Variants in RNF32 observed in about 807,000 individuals in gnomAD.
RNF32 encodes the protein ring finger protein 32.
Under a neutral mutation model 41.0 loss-of-function variants are expected in RNF32, and 36 were observed. The ratio of observed to expected loss-of-function variants is 0.88; its 90% CI spans 0.67 to 1.16. The LOEUF (loss-of-function observed/expected upper bound fraction) is 1.16, where lower values mean the gene tolerates loss of function less well. RNF32 is among the 50% of genes most tolerant of loss of function. The pLI, the probability that RNF32 is intolerant of heterozygous loss-of-function variation, is 0.00. For synonymous variants in RNF32, 154 were observed against 160.9 expected (o/e 0.96, Z 0.32); for missense variants, 413 against 436.7 (o/e 0.95, Z 0.48).
chr7:156,651,221 T>C (rs2096300844), intron 3 of RNF32, among the ~76,000 whole-genome samples: 1 of 151,328 alleles, frequency 6.6e-6, no homozygotes, highest in Non-Finnish European at 1.5e-5. Flanking sequence ...ATTTCTTTTT[T>C]TTTTTTTTTT....
rs908687997 is a variant in RNF32 at position 156,654,576 on chromosome 7, C to T, written c.275C>T (p.Ala92Val). 12 of 1,613,428 alleles carry T rather than the reference C, an allele frequency of 7.4e-6. No homozygotes were observed. Among genetic ancestry groups the T allele is most frequent in the African/African-American group, 1.3e-5 (1 of 74,926 alleles). Reference sequence around the variant, plus strand: ...CCTGTCCTGTGCTGTCTTACTTTAGCACAGAAGTTGGGCCTCATTGGGCCT... The same window carrying T: ...CCTGTCCTGTGCTGTCTTACTTTAGTACAGAAGTTGGGCCTCATTGGGCCT... ...LDPKPPPLTLAQKLGLIGPPP... is the reference protein window; with the variant it reads ...LDPKPPPLTLVQKLGLIGPPP... Residue 92 changes from alanine to valine, a missense_variant and splice_region_variant, in exon 4 of 9, where the codon GCA becomes GTA. Transcript: ENST00000317955.
intron 4 of RNF32, among the ~76,000 whole-genome samples, chr7:156,656,708 A>C (rs536789783): frequency 6.6e-6 from 1 of 152,242 alleles, no homozygotes; most frequent in African/African-American, 2.4e-5. Flanking sequence ...GGAGTGCCCC[A>C]GACTGTGGTC....
chr7:156,640,744 G>A, upstream of RNF32: 1 of 275,232 alleles, frequency 3.6e-6, no homozygotes, highest in Non-Finnish European at 7.1e-6. Flanking sequence ...AACGGTGGGC[G>A]GCCAGGGAGT....
At position 156,676,458 on chromosome 7, in the gene RNF32, G is replaced by A. The variant is rs770224272; in HGVS notation, c.892G>A (p.Ala298Thr). ...GACCCACGAGTGCTCCATCTGCCTGGCCCCTCTCTCCGCTGCTGGCGGTCA... is the reference window on the plus strand; with the variant it reads ...GACCCACGAGTGCTCCATCTGCCTGACCCCTCTCTCCGCTGCTGGCGGTCA... The part of the protein sequence containing the change: ...RETHECSICL[A>T]PLSAAGGQRV... Residue 298 changes from alanine to threonine, a missense_variant, in exon 9 of 9, where the codon GCC (alanine) becomes ACC (threonine). Ala to Thr is a moderately conservative substitution (Grantham distance 58, BLOSUM62 0). Transcript: ENST00000317955. The A allele has an allele frequency of 6.2e-7, 1 of 1,614,058 alleles. No individual in the cohort carries two copies. Among genetic ancestry groups the A allele is most frequent in the Non-Finnish European group, 8.5e-7 (1 of 1,179,974 alleles).
At chr7:156,663,248 TAAAGA>T (rs1563087929) in intron 7 of RNF32, among the ~76,000 whole-genome samples, 1 of 152,174 alleles carries the variant, frequency 6.6e-6, no homozygotes, top group Non-Finnish European at 1.5e-5. Flanking sequence ...TAAAAAACCA[TAAAGA>T]AAACTAGGTT....
At chr7:156,656,229 G>A (rs186334767) in intron 4 of RNF32, among the ~76,000 whole-genome samples, 6 of 152,340 alleles carry the variant, frequency 3.9e-5, no homozygotes, top group African/African-American at 1.4e-4. Flanking sequence ...TCAGAGTCCT[G>A]CTGGAATCCA....
intron 3 of RNF32, among the ~76,000 whole-genome samples, chr7:156,652,917 T>C (rs746419366): frequency 8.9e-5 from 12 of 135,196 alleles, no homozygotes; most frequent in Non-Finnish European, 1.9e-4. Context: ...TGTTTTAAGC[T>C]AAATGTTATT....
At chr7:156,644,824 A>C in intron 3 of RNF32, 67 bp downstream of exon 3, 1 of 1,440,470 alleles carries the variant, frequency 6.9e-7, no homozygotes, top group Non-Finnish European at 9.5e-7. Flanking sequence ...GATTAATAGT[A>C]TAATTTTTTA....
In RNF32 at chr7:156,654,561, G is replaced by A; in HGVS notation, c.275-15G>A. On this transcript the variant is annotated splice_polypyrimidine_tract_variant and intron_variant, in intron 3 of 8. Transcript: ENST00000317955. ...AAAGACACTCTAACTCCTGTCCTGTGCTGTCTTACTTTAGCACAGAAGTTG... is the reference window on the plus strand; with the variant it reads ...AAAGACACTCTAACTCCTGTCCTGTACTGTCTTACTTTAGCACAGAAGTTG... 1 of 1,612,266 alleles carries A rather than the reference G, an allele frequency of 6.2e-7. No individual in the cohort carries two copies. The highest frequency in any genetic ancestry group is 1.3e-5 in the African/African-American group (1 of 75,012).
At chr7:156,675,056 G>T (rs983741825) in intron 7 of RNF32, among the ~76,000 whole-genome samples, 1 of 152,216 alleles carries the variant, frequency 6.6e-6, no homozygotes, top group Admixed American at 6.5e-5. Flanking sequence ...GATTTACTTA[G>T]TAAGTCCCAT....
chr7:156,659,666 C>G (rs1486197669), intron 7 of RNF32: 3 of 923,126 alleles, frequency 3.2e-6, no homozygotes, highest in Non-Finnish European at 2.6e-6. Context: ...TATAAGAACT[C>G]TTGAAGATAA....
chr7:156,674,739 A>G (rs1803416476), intron 7 of RNF32, among the ~76,000 whole-genome samples: 1 of 152,242 alleles, frequency 6.6e-6, no homozygotes, highest in African/African-American at 2.4e-5. Flanking sequence ...CGTTGAAGTG[A>G]TAATATTTTG....
chr7:156,649,110 G>C (rs903930755), intron 3 of RNF32, among the ~76,000 whole-genome samples: 1 of 151,770 alleles, frequency 6.6e-6, no homozygotes, highest in African/African-American at 2.4e-5. Context: ...TTGATTAATA[G>C]AGTCTTGCAA....
chr7:156,643,897 G>A lies in RNF32; in HGVS notation c.15+5G>A, dbSNP rs1338723403. The A allele has an allele frequency of 4.4e-6, 7 of 1,608,852 alleles. No individual in the cohort carries two copies. The African/African-American group carries it at 5.3e-5, about 12-fold the overall frequency. ...TTCGGCATGTTAAAAAATAAGGTACGCTATTCTTTTCTTAAACATACACGT... is the reference window on the plus strand; with the variant it reads ...TTCGGCATGTTAAAAAATAAGGTACACTATTCTTTTCTTAAACATACACGT... On this transcript the variant is annotated splice_donor_5th_base_variant and intron_variant, in intron 2 of 8. Coordinates refer to ENST00000317955, the MANE Select transcript of RNF32 (RefSeq NM_030936.4).
rs75126530 is a variant in RNF32 at position 156,661,786 on chromosome 7, G to T, written c.684+3216G>T. 3.4e-3 allele frequency among the ~76,000 whole-genome samples: 525 copies of T among 152,264 alleles called. 2 individuals are homozygous for T. The highest frequency in any genetic ancestry group is 0.017 in the Middle Eastern group (5 of 294). On this transcript the variant is annotated intron_variant, in intron 7 of 8. Transcript: ENST00000317955. ...TGGGCCTACTACATTAATGTTATGG[G>T]TCACTGATGGGTTGTAGATATCAGC...
chr7:156,673,548 C>A (rs547711882), intron 7 of RNF32, among the ~76,000 whole-genome samples: 5 of 152,274 alleles, frequency 3.3e-5, no homozygotes, highest in Non-Finnish European at 7.4e-5. Flanking sequence ...GAATTTGACT[C>A]ATAAATAGAA....
intron 4 of RNF32, among the ~76,000 whole-genome samples, chr7:156,655,274 G>A (rs1206540654): frequency 1.3e-5 from 2 of 151,640 alleles, no homozygotes; most frequent in Non-Finnish European, 2.9e-5. Context: ...GAGAGAGAGA[G>A]AGAATGCATA....
At position 156,676,798 on chromosome 7, in the gene RNF32, G is replaced by C. The variant is rs188025853; in HGVS notation, c.*143G>C. 1.6e-5 allele frequency: 10 copies of C among 644,412 alleles called. No homozygotes were observed. The highest frequency in any genetic ancestry group is 2.1e-5 in the Non-Finnish European group (8 of 376,786). The allele number at this position is 644,412 out of a possible 1,614,324, so 39.9% of individuals were successfully genotyped here. ...CTATTGGTAGTTGTAGGAAATCTTA[G>C]TATATTTTAAAAGCTGACATCCCAC... On this transcript the variant is annotated 3_prime_UTR_variant, in exon 9 of 9. Transcript: ENST00000317955.
At chr7:156,650,590 T>TCAA (rs1798586434) in intron 3 of RNF32, among the ~76,000 whole-genome samples, 1 of 152,216 alleles carries the variant, frequency 6.6e-6, no homozygotes, top group Non-Finnish European at 1.5e-5. Flanking sequence ...AGGTCTTGAT[T>TCAA]AGTTTATAAA....
Sources: allele counts gnomAD v4.1 joint callset (sites outside exome capture counted in the v4.1 genomes callset), GRCh38; gene constraint gnomAD v4.1.1; transcripts MANE v1.5; gene names NCBI Gene and HGNC (gene_info 2026-07-23, HGNC 2026-07-21).